The following CKB variants were observed in gnomAD, a reference collection of about 807,000 sequenced individuals.
The protein encoded by CKB is creatine kinase B-type.
A neutral mutation model predicts 36.9 loss-of-function variants in CKB; 15 were observed. The ratio of observed to expected loss-of-function variants is 0.41; its 90% CI spans 0.27 to 0.63. The LOEUF is 0.63. Among genes scored for constraint, CKB ranks in the 20% least tolerant of loss-of-function variants. The probability of loss-of-function intolerance (pLI) is 0.34; values close to 1 mark genes in which losing one functional copy is unlikely to be tolerated. For synonymous variants in CKB, 250 were observed against 228.2 expected, an observed-to-expected ratio of 1.10 and a Z score of -0.86; for missense variants, 413 against 534.9, an observed-to-expected ratio of 0.77 and a Z score of 2.25.
intron 5 of CKB, chr14:103,520,846 C>T (rs1411700059): frequency 3.8e-6 from 2 of 521,964 alleles, no homozygotes; most frequent in Non-Finnish European, 6.8e-6. Flanking sequence ...GCCCGACCCG[C>T]CCCCCACAGT....
chr14:103,520,096 G>A (rs758236359), intron 7 of CKB, 26 bp downstream of exon 7: 32 of 1,603,180 alleles, frequency 2.0e-5, no homozygotes, highest in East Asian at 6.7e-5. Context: ...AAGGCCACGG[G>A]AAGCCGCAGC....
rs1329653201 is a variant in CKB at position 103,522,455 on chromosome 14, G to A, written c.39C>T (p.Arg13=). Residue 13 remains arginine, a synonymous_variant, in exon 2 of 8, where the codon CGC becomes CGT. Coordinates refer to ENST00000348956, the MANE Select transcript of CKB (RefSeq NM_001823.5). The surrounding 1 kb of genome is among the most constrained non-coding windows in gnomAD (Gnocchi z 6.7). ...CGGGGAACTCGTCCTCGGCCGGGAAGCGCAGCTTCAGTGCGTTGTGGCTGT... is the reference window on the plus strand; with the variant it reads ...CGGGGAACTCGTCCTCGGCCGGGAAACGCAGCTTCAGTGCGTTGTGGCTGT... The part of the protein sequence containing the change: ...FSNSHNALKL[R]FPAEDEFPDL... 2 of 1,609,714 alleles carry A rather than the reference G, an allele frequency of 1.2e-6. No homozygotes were observed. Among genetic ancestry groups the A allele is most frequent in the East Asian group, 2.3e-5 (1 of 44,374 alleles).
chr14:103,522,126 T>C lies in CKB; in HGVS notation c.245A>G (p.Tyr82Cys), dbSNP rs1465199569. ...GTCGAAGAGATCCTTGAACACTTCG[T>C]AGGACTCCTCGTCGCCCGCCACGCA... ...VGCVAGDEES[Y>C]EVFKDLFDPI... Residue 82 changes from tyrosine (Y) to cysteine (C), a missense_variant, in exon 3 of 8, where the codon TAC becomes TGC. Transcript: ENST00000348956. The surrounding 1 kb of genome is among the most constrained non-coding windows in gnomAD (Gnocchi z 6.7). The C allele has an allele frequency of 6.3e-7, 1 of 1,599,528 alleles. No individual in the cohort carries two copies. The highest frequency in any genetic ancestry group is 8.5e-7 in the Non-Finnish European group (1 of 1,173,808).
Position 103,520,946 on chromosome 14 carries a change from G to C in CKB, c.653+317C>G, listed in dbSNP as rs544225595. ...CGGAGGAGTGAGAAAAGAAAACAAA[G>C]AGCTCCAGCTCCCAGGGCCGTCGGG... is the stretch of plus-strand genomic sequence containing the variant. On this transcript the variant is annotated intron_variant, in intron 5 of 7. Transcript: ENST00000348956. The C allele has an allele frequency of 7.4e-6, 4 of 538,112 alleles. No individual in the cohort carries two copies. In the Admixed American group the frequency reaches 1.4e-4, roughly 18 times the overall value. 33.3% of individuals were successfully genotyped at this position (538,112 alleles called of 1,614,324 possible). A position where few individuals can be genotyped will look rare whatever the true frequency, so the allele number is the denominator to read the frequency against.
rs1235631392 is a variant in CKB, at chr14:103,522,329, G to C, written c.165C>G (p.Asp55Glu). Residue 55 changes from aspartate (D) to glutamate (E), a missense_variant, in exon 2 of 8, where the codon GAC (aspartate) becomes GAG (glutamate). Coordinates refer to ENST00000348956, the MANE Select transcript of CKB (RefSeq NM_001823.5). The surrounding 1 kb of genome is among the most constrained non-coding windows in gnomAD (Gnocchi z 6.7). ...GGTTGTCCACGCCTGTCTGGATGAC[G>C]TCGTCCAGCGTGAAGCCGCTCGGCG... The part of the protein sequence containing the change: ...KSTPSGFTLD[D>E]VIQTGVDNPG... 1 of 1,608,946 alleles carries C rather than the reference G, an allele frequency of 6.2e-7. No individual in the cohort carries two copies. Among genetic ancestry groups the C allele is most frequent in the East Asian group, 2.2e-5 (1 of 44,696 alleles).
rs2142231450 is a variant in CKB, at chr14:103,521,897, G to A, written c.402C>T (p.Gly134=). The A allele has an allele frequency of 6.4e-7, 1 of 1,573,824 alleles. No individual in the cohort carries two copies. The highest frequency in any genetic ancestry group is 1.8e-5 in the Admixed American group (1 of 56,488). Residue 134 remains glycine, a synonymous_variant, in exon 4 of 8, where the codon GGC becomes GGT. Coordinates refer to ENST00000348956, the MANE Select transcript of CKB (RefSeq NM_001823.5). ...GGAGGCAGAAGCCACGGATGCTGCG[G>A]CCCGTGCGCACCCGCGAGCTCAGCA... ...NYVLSSRVRT[G]RSIRGFCLPP...
At position 103,522,230 on chromosome 14, in the gene CKB, G is replaced by T. The variant is rs751048418; in HGVS notation, c.194-53C>A. On this transcript the variant is annotated intron_variant, in intron 2 of 7. Transcript: ENST00000348956. This position sits in a 1 kb window ranked among gnomAD's most constrained non-coding sequence, Gnocchi z 6.7. ...AGTGACGTCACTGCCGGGCCCGAGC[G>T]CGCTGCTGAGGACCCTGCGGCTGCG... 1 of 1,577,072 alleles carries T rather than the reference G, an allele frequency of 6.3e-7. No homozygotes were observed. Among genetic ancestry groups the T allele is most frequent in the East Asian group, 2.3e-5 (1 of 43,148 alleles).
At chr14:103,521,158 C>A in intron 5 of CKB, 105 bp downstream of exon 5, 2 of 1,373,174 alleles carry the variant, frequency 1.5e-6, no homozygotes, top group Non-Finnish European at 2.0e-6. Flanking sequence ...TCCTCCTCCT[C>A]CTCCTCCTCG....
rs1298678380 is a variant in CKB at position 103,521,414 on chromosome 14, C to G, written c.502G>C (p.Asp168His). The change falls in exon 5 of 8, where the codon GAC (aspartate) becomes CAC (histidine). Residue 168 changes from aspartate (D) to histidine (H), a missense_variant. By Grantham distance (81) the Asp-to-His change is moderately conservative. Transcript: ENST00000348956. ...AVEALSSLDGDLAGRYYALKS... is the reference protein window; with the variant it reads ...AVEALSSLDGHLAGRYYALKS... ...AGCGCGTAGTATCGGCCCGCCAGGT[C>G]GCCGTCCAGGCTGGACAGGGCTGCG... The G allele has an allele frequency of 6.2e-7, 1 of 1,602,538 alleles. No individual in the cohort carries two copies. Among genetic ancestry groups the G allele is most frequent in the Non-Finnish European group, 8.5e-7 (1 of 1,178,500 alleles).
chr14:103,521,050 C>CG (rs990375963), intron 5 of CKB: 2 of 706,990 alleles, frequency 2.8e-6, no homozygotes, highest in Non-Finnish European at 2.5e-6. Flanking sequence ...CCCCACGGGC[C>CG]GGGGCCCAGT....
chr14:103,520,044 TG>T lies in CKB; in HGVS notation c.968-3del. On this transcript the variant is annotated splice_polypyrimidine_tract_variant and splice_region_variant and intron_variant, in intron 7 of 7. Transcript: ENST00000348956. ...CCACCGCAGCCGTGTCCACACCGCCTGGGGAGACAGCAAGTCAGGGCGGAGG... is the reference window on the plus strand; with the variant it reads ...CCACCGCAGCCGTGTCCACACCGCCTGGGAGACAGCAAGTCAGGGCGGAGG... 1 of 1,609,642 alleles carries T rather than the reference TG, an allele frequency of 6.2e-7. No individual in the cohort carries two copies.
Position 103,521,267 on chromosome 14 carries a change from T to C in CKB, c.649A>G (p.Ile217Val). ...MARDWPDARG[I>V]WHNDNKTFLV... ...AGGGCGCAGAGGGACACGCACCAGATACCGCGGGCGTCGGGCCAGTCGCGG... is the reference window on the plus strand; with the variant it reads ...AGGGCGCAGAGGGACACGCACCAGACACCGCGGGCGTCGGGCCAGTCGCGG... Residue 217 changes from isoleucine to valine, a missense_variant, in exon 5 of 8, where the codon ATC becomes GTC. Coordinates refer to ENST00000348956, the MANE Select transcript of CKB (RefSeq NM_001823.5). The C allele has an allele frequency of 6.3e-7, 1 of 1,591,330 alleles. No individual in the cohort carries two copies. Among genetic ancestry groups the C allele is most frequent in the South Asian group, 1.1e-5 (1 of 89,330 alleles).
intron 4 of CKB, 29 bp from the exon 5 acceptor site, chr14:103,521,463 C>T (rs1375573187): frequency 1.3e-6 from 2 of 1,483,834 alleles, no homozygotes; most frequent in African/African-American, 2.9e-5. Context: ...GGACGCTCGG[C>T]TCCCGCGCCC....
chr14:103,520,858 G>A (rs572947724), intron 5 of CKB: 2 of 511,554 alleles, frequency 3.9e-6, no homozygotes, highest in South Asian at 2.1e-5. Context: ...CCCCACAGTG[G>A]GGGTAGGAGC....
chr14:103,522,079 C>G lies in CKB; in HGVS notation c.292G>C (p.Gly98Arg), dbSNP rs765777350. 3 of 1,565,106 alleles carry G rather than the reference C, an allele frequency of 1.9e-6. No individual in the cohort carries two copies. The South Asian group carries it at 3.5e-5, about 18-fold the overall frequency. Reference protein sequence around the residue: ...LFDPIIEDRHGGYKPSDEHKT... With the variant: ...LFDPIIEDRHRGYKPSDEHKT... The stretch of plus-strand genomic sequence containing the variant: ...TGCTCATCGCTGGGCTTGTAGCCGC[C>G]GTGCCGGTCCTCGATGATGGGGTCG... The change falls in exon 3 of 8, where the codon GGC (glycine) becomes CGC (arginine). Residue 98 changes from glycine to arginine, a missense_variant. By Grantham distance (125) the Gly-to-Arg change is moderately radical. Transcript: ENST00000348956. This position sits in a 1 kb window ranked among gnomAD's most constrained non-coding sequence, Gnocchi z 6.7.
In CKB at chr14:103,520,566, A is replaced by G. The variant is rs1264798178; in HGVS notation, c.680T>C (p.Val227Ala). The part of the protein sequence containing the change: ...IWHNDNKTFL[V>A]WVNEEDHLRV... ...CAGGTGGTCCTCCTCGTTGACCCAC[A>G]CCAGGAAGGTCTTATTGTCATTGTG... The change falls in exon 6 of 8, where the codon GTG becomes GCG. Residue 227 changes from valine (V) to alanine (A), a missense_variant. By Grantham distance (64) the Val-to-Ala change is moderately conservative. This residue lies in a region of CKB where 314 missense variants were observed against 409.4 expected (regional missense o/e 0.77). Coordinates refer to ENST00000348956, the MANE Select transcript of CKB (RefSeq NM_001823.5). 7 of 1,612,772 alleles carry G rather than the reference A, an allele frequency of 4.3e-6. No homozygotes were observed. The highest frequency in any genetic ancestry group is 5.1e-6 in the Non-Finnish European group (6 of 1,179,730).
chr14:103,521,274 G>T lies in CKB; in HGVS notation c.642C>A (p.Ala214=). Residue 214 remains alanine, a synonymous_variant, in exon 5 of 8, where the codon GCC becomes GCA. Transcript: ENST00000348956. ...ASGMARDWPD[A]RGIWHNDNKT... ...AGAGGGACACGCACCAGATACCGCG[G>T]GCGTCGGGCCAGTCGCGGGCCATGC... 6.3e-7 allele frequency: 1 copy of T among 1,595,042 alleles called. No individual in the cohort carries two copies.
chr14:103,520,072 A>C, intron 7 of CKB, 30 bp from the exon 8 acceptor site: 2 of 1,607,554 alleles, frequency 1.2e-6, no homozygotes, highest in Non-Finnish European at 1.7e-6. Context: ...GGGCGGAGGA[A>C]ACAGGGCTGC....
Position 103,519,825 on chromosome 14 carries a change from T to C in CKB, c.*39A>G. On this transcript the variant is annotated 3_prime_UTR_variant, in exon 8 of 8. Coordinates refer to ENST00000348956, the MANE Select transcript of CKB (RefSeq NM_001823.5). ...GGTGGGCACTGCCCAGGCAATAAGTTAGGAAGCAGCAGGGCTGGTGTCGGG... is the reference window on the plus strand; with the variant it reads ...GGTGGGCACTGCCCAGGCAATAAGTCAGGAAGCAGCAGGGCTGGTGTCGGG... 3 of 1,564,596 alleles carry C rather than the reference T, an allele frequency of 1.9e-6. No individual in the cohort carries two copies. Among genetic ancestry groups the C allele is most frequent in the Non-Finnish European group, 2.6e-6 (3 of 1,160,018 alleles).
Sources: allele counts gnomAD v4.1 joint callset, GRCh38; gene constraint gnomAD v4.1.1; regional missense constraint gnomAD v4.1.1; non-coding constraint Gnocchi (gnomAD v3.1); transcripts MANE v1.5; gene names NCBI Gene and HGNC (gene_info 2026-07-23, HGNC 2026-07-21).